The following PLCB4 variants were observed in gnomAD, a reference collection of about 807,000 sequenced individuals.
PLCB4 encodes the protein 1-phosphatidylinositol 4,5-bisphosphate phosphodiesterase beta-4.
Under a neutral mutation model 178.8 loss-of-function variants are expected in PLCB4, and 77 were observed. The ratio of observed to expected loss-of-function variants is 0.43; its 90% CI spans 0.36 to 0.52. The LOEUF (loss-of-function observed/expected upper bound fraction) is 0.52, where lower values mean the gene tolerates loss of function less well. Among genes scored for constraint, PLCB4 ranks in the 20% least tolerant of loss-of-function variants. The probability of loss-of-function intolerance (pLI) is 0.00; values close to 1 mark genes in which losing one functional copy is unlikely to be tolerated. For missense variants in PLCB4, 1,024 were observed against 1,453.4 expected (o/e 0.70, Z 4.80); for synonymous variants, 496 against 490.8 (o/e 1.01, Z -0.14).
chr20:9,210,058 T>C (rs530663942), intron 2 of PLCB4, among the ~76,000 whole-genome samples: 38 of 152,102 alleles, frequency 2.5e-4, no homozygotes, highest in African/African-American at 8.2e-4. Context: ...TGAATGTGTG[T>C]TGCTTCAAGT....
At chr20:9,396,136 C>T (rs1392714617) in intron 19 of PLCB4, among the ~76,000 whole-genome samples, 1 of 152,180 alleles carries the variant, frequency 6.6e-6, no homozygotes, top group African/African-American at 2.4e-5. Context: ...TGTCATCTCC[C>T]TTCCTATTGG....
intron 9 of PLCB4, among the ~76,000 whole-genome samples, chr20:9,366,221 T>C (rs2035768797): frequency 6.6e-6 from 1 of 151,586 alleles, no homozygotes; most frequent in Non-Finnish European, 1.5e-5. Context: ...ACTCCGTCTC[T>C]ACTAAAAATA....
intron 9 of PLCB4, among the ~76,000 whole-genome samples, chr20:9,370,686 TC>T (rs1329782380): frequency 6.6e-6 from 1 of 152,060 alleles, no homozygotes; most frequent in Non-Finnish European, 1.5e-5. Context: ...GGTGGGTGGA[TC>T]ACCTGAGGTC....
At chr20:9,277,199 G>A (rs1474319007) in intron 3 of PLCB4, among the ~76,000 whole-genome samples, 1 of 152,006 alleles carries the variant, frequency 6.6e-6, no homozygotes, top group African/African-American at 2.4e-5. Flanking sequence ...CAGCCTTTTT[G>A]AAGAGTAAAC....
chr20:9,450,927 G>A (rs1173880715), intron 32 of PLCB4, among the ~76,000 whole-genome samples: 1 of 152,060 alleles, frequency 6.6e-6, no homozygotes, highest in Non-Finnish European at 1.5e-5. Context: ...GGGATTACAG[G>A]CATGGGCTAC....
At chr20:9,188,210 A>C (rs577957305) in intron 2 of PLCB4, among the ~76,000 whole-genome samples, 3 of 152,332 alleles carry the variant, frequency 2.0e-5, no homozygotes, top group Admixed American at 2.0e-4. Flanking sequence ...GCAGGGGAGG[A>C]AGGATGGAAA....
chr20:9,335,909 G>C (rs61681878), intron 4 of PLCB4, among the ~76,000 whole-genome samples: 2,010 of 152,200 alleles, frequency 0.013, 41 homozygotes, highest in African/African-American at 0.046. Context: ...CAAATTGAAG[G>C]CTGCTTTGTT....
chr20:9,380,984 A>G (rs563296603), intron 13 of PLCB4, among the ~76,000 whole-genome samples: 115 of 152,086 alleles, frequency 7.6e-4, no homozygotes, highest in African/African-American at 2.6e-3. Flanking sequence ...AATGGTCTGT[A>G]TGTTATCTGG....
chr20:9,460,665 C>T lies in PLCB4; in HGVS notation c.3248+855C>T, dbSNP rs114771411. On this transcript the variant is annotated intron_variant, in intron 35 of 39. Coordinates refer to ENST00000378473, the MANE Select transcript of PLCB4 (RefSeq NM_001377142.1). ...TGCTTGGTTCTCACTTAGTGCCTACCGTATGCCACAGTTAGGGTCTCTTGA... is the reference window on the plus strand; with the variant it reads ...TGCTTGGTTCTCACTTAGTGCCTACTGTATGCCACAGTTAGGGTCTCTTGA... Among the ~76,000 whole-genome samples, 834 of 152,168 alleles carry T rather than the reference C, an allele frequency of 5.5e-3. 6 individuals are homozygous for T. Among genetic ancestry groups the T allele is most frequent in the African/African-American group, 0.019 (787 of 41,536 alleles).
intron 3 of PLCB4, among the ~76,000 whole-genome samples, chr20:9,271,499 T>C (rs2094401886): frequency 6.6e-6 from 1 of 152,126 alleles, no homozygotes; most frequent in African/African-American, 2.4e-5. Flanking sequence ...TTACAACCAT[T>C]TTGCATTTAA....
chr20:9,305,499 G>A (rs557644387), intron 3 of PLCB4, among the ~76,000 whole-genome samples: 13 of 151,840 alleles, frequency 8.6e-5, no homozygotes, highest in Middle Eastern at 3.4e-3. Flanking sequence ...ATATAATCTA[G>A]GATTTGGGTT....
chr20:9,170,656 T>A (rs1421411285), intron 2 of PLCB4, among the ~76,000 whole-genome samples: 1 of 152,210 alleles, frequency 6.6e-6, no homozygotes, highest in African/African-American at 2.4e-5. Flanking sequence ...GAAAGCTCTA[T>A]CCTTGTAATA....
At chr20:9,116,281 A>G (rs546534822) in intron 2 of PLCB4, among the ~76,000 whole-genome samples, 228 of 151,326 alleles carry the variant, frequency 1.5e-3, no homozygotes, top group African/African-American at 4.9e-3. Context: ...TCAGAATTCT[A>G]TTTTTCTTTT....
At chr20:9,214,053 T>C (rs1456696670) in intron 2 of PLCB4, among the ~76,000 whole-genome samples, 2 of 152,232 alleles carry the variant, frequency 1.3e-5, no homozygotes, top group Non-Finnish European at 2.9e-5. Context: ...GATTTCCTGT[T>C]CTGTGGGTTC....
chr20:9,108,530 CACA>C (rs2091452408), intron 2 of PLCB4, among the ~76,000 whole-genome samples: 1 of 151,878 alleles, frequency 6.6e-6, no homozygotes, highest in Non-Finnish European at 1.5e-5. Context: ...GTTGGATCAG[CACA>C]ACATGTCAGC....
chr20:9,414,456 A>T (rs1251233852), intron 25 of PLCB4, among the ~76,000 whole-genome samples: 2 of 152,144 alleles, frequency 1.3e-5, no homozygotes, highest in African/African-American at 4.8e-5. Context: ...TGGTTCTCCC[A>T]CCCACCTGCA....
At chr20:9,381,831 A>G (rs2037166674) in intron 13 of PLCB4, among the ~76,000 whole-genome samples, 1 of 152,182 alleles carries the variant, frequency 6.6e-6, no homozygotes. Context: ...ACTTCTAGGT[A>G]TGTACCCTAG....
chr20:9,126,396 T>C (rs906618020), intron 2 of PLCB4, among the ~76,000 whole-genome samples: 8 of 152,172 alleles, frequency 5.3e-5, no homozygotes, highest in Non-Finnish European at 1.0e-4. Flanking sequence ...TAAAATGTTA[T>C]ATGGCTCCTT....
At chr20:9,438,208 T>C (rs1002804653) in intron 30 of PLCB4, among the ~76,000 whole-genome samples, 4 of 151,678 alleles carry the variant, frequency 2.6e-5, no homozygotes, top group Admixed American at 2.0e-4. Flanking sequence ...CTACTAAAAA[T>C]ACAAAAAATT....
Sources: gnomAD v4.1 joint callset for allele counts (sites outside exome capture counted in the v4.1 genomes callset) on GRCh38, gnomAD v4.1.1 for gene constraint, MANE v1.5 for transcripts, NCBI Gene and HGNC (gene_info 2026-07-23, HGNC 2026-07-21) for gene names.